The following TBC1D2B variants were observed in gnomAD, a reference collection of about 807,000 sequenced individuals.
TBC1D2B encodes TBC1 domain family, member 2B.
Under a neutral mutation model 100.8 loss-of-function variants are expected in TBC1D2B, and 64 were observed. The ratio of observed to expected loss-of-function variants is 0.64; its 90% CI spans 0.52 to 0.78. The LOEUF is 0.78. TBC1D2B is among the 30% of genes least tolerant of loss of function. TBC1D2B has a pLI of 0.00. For missense variants in TBC1D2B, 1,052 were observed against 1,218.4 expected (o/e 0.86, Z 2.03); for synonymous variants, 480 against 479.7 (o/e 1.00, Z -0.01).
chr15:78,047,037 A>G (rs2073210758), intron 2 of TBC1D2B, among the ~76,000 whole-genome samples: 1 of 152,230 alleles, frequency 6.6e-6, no homozygotes, highest in Non-Finnish European at 1.5e-5. Flanking sequence ...AGTGCTGTGT[A>G]TCTATCAGGG....
At chr15:78,027,116 A>G (rs12101617) in intron 4 of TBC1D2B, among the ~76,000 whole-genome samples, 2,343 of 152,020 alleles carry the variant, frequency 0.015, 64 homozygotes, top group African/African-American at 0.053. Context: ...TGAAATATAT[A>G]TACTCACATT....
intron 1 of TBC1D2B, among the ~76,000 whole-genome samples, chr15:78,067,966 G>A (rs889300340): frequency 6.6e-6 from 1 of 152,298 alleles, no homozygotes; most frequent in East Asian, 1.9e-4. Flanking sequence ...CTCCAATTCT[G>A]CAGTGTTCAC....
At chr15:78,064,774 T>C (rs909107405) in intron 1 of TBC1D2B, among the ~76,000 whole-genome samples, 1 of 152,154 alleles carries the variant, frequency 6.6e-6, no homozygotes, top group African/African-American at 2.4e-5. Context: ...AATGTATTTT[T>C]TTCCCCAGGA....
At chr15:78,026,233 T>C (rs1393871913) in intron 4 of TBC1D2B, among the ~76,000 whole-genome samples, 4 of 152,044 alleles carry the variant, frequency 2.6e-5, no homozygotes, top group Non-Finnish European at 4.4e-5. Flanking sequence ...TAATCCTCAA[T>C]GTAACAGTAT....
chr15:78,044,703 CTGTT>C (rs1333856100), intron 3 of TBC1D2B, among the ~76,000 whole-genome samples, 193 bp downstream of exon 3: 6 of 152,210 alleles, frequency 3.9e-5, no homozygotes, highest in South Asian at 4.1e-4. Context: ...AAGTGTGAAA[CTGTT>C]TGGCATAGTG....
Position 78,016,678 on chromosome 15 carries a change from T to G in TBC1D2B, c.1643A>C (p.Glu548Ala), listed in dbSNP as rs191574081. Residue 548 changes from glutamate (E) to alanine (A), a missense_variant, in exon 8 of 13, where the codon GAA (glutamate) becomes GCA (alanine). Physicochemically the swap from Glu to Ala is moderately radical, Grantham distance 107 (BLOSUM62 -1). Coordinates refer to ENST00000300584, the MANE Select transcript of TBC1D2B (RefSeq NM_144572.2). ...TTCTGAGCACACTGGTGTCTTCATT[T>G]CTTGGAGCAATATCAGGTATTTACT... ...IESKYLILLQ[E>A]MKTPVCSEDQ... 6.2e-7 allele frequency: 1 copy of G among 1,605,594 alleles called. No individual in the cohort carries two copies. The highest frequency in any genetic ancestry group is 2.2e-5 in the East Asian group (1 of 44,716).
At chr15:78,016,952 G>A (rs1596311140) in intron 7 of TBC1D2B, 2 of 496,116 alleles carry the variant, frequency 4.0e-6, no homozygotes, top group East Asian at 7.5e-5. Flanking sequence ...TATAGAAGGA[G>A]TGCTGATAAT....
intron 1 of TBC1D2B, among the ~76,000 whole-genome samples, chr15:78,064,520 C>A (rs909145073): frequency 6.6e-6 from 1 of 152,174 alleles, no homozygotes; most frequent in African/African-American, 2.4e-5. Flanking sequence ...ATTTTTGTTT[C>A]TTAAACTCAA....
In TBC1D2B at chr15:78,017,929, T is replaced by A; in HGVS notation, c.1499A>T (p.Asn500Ile). 1 of 1,607,450 alleles carries A rather than the reference T, an allele frequency of 6.2e-7. No homozygotes were observed. The highest frequency in any genetic ancestry group is 8.5e-7 in the Non-Finnish European group (1 of 1,176,410). Residue 500 changes from asparagine (N) to isoleucine (I), a missense_variant, in exon 7 of 13, where the codon AAC becomes ATC. Asn to Ile is a moderately radical substitution (Grantham distance 149). Around this residue, in one of 4 missense-constraint regions of TBC1D2B, gnomAD observed 627 missense variants for 646.1 expected, o/e 0.97. Transcript: ENST00000300584. ...CAAAATCTCCTTATTTAGAAATTTG[T>A]TTTGGGTTTTGTACCCCTGTAGATT... ...KDNLQGYKTQ[N>I]KFLNKEILEL...
At chr15:78,060,062 C>T (rs2073510652) in intron 1 of TBC1D2B, among the ~76,000 whole-genome samples, 1 of 152,150 alleles carries the variant, frequency 6.6e-6, no homozygotes, top group African/African-American at 2.4e-5. Context: ...CATTCTTTGA[C>T]CCACAATTCT....
chr15:78,040,821 A>G (rs1236323901), intron 3 of TBC1D2B, among the ~76,000 whole-genome samples: 1 of 148,058 alleles, frequency 6.8e-6, no homozygotes, highest in African/African-American at 2.5e-5. Flanking sequence ...AAAAGCAAGA[A>G]AGAAGGAAAG....
chr15:78,070,206 T>A (rs1231240345), intron 1 of TBC1D2B, among the ~76,000 whole-genome samples: 3 of 152,052 alleles, frequency 2.0e-5, no homozygotes, highest in Admixed American at 2.0e-4. Flanking sequence ...GGCCTCTGCT[T>A]ATGCCATTTC....
At chr15:78,032,022 G>T (rs1294665084) in intron 3 of TBC1D2B, among the ~76,000 whole-genome samples, 2 of 152,218 alleles carry the variant, frequency 1.3e-5, no homozygotes, top group Non-Finnish European at 2.9e-5. Flanking sequence ...GCAGCTCATA[G>T]AGCAGAGTAC....
chr15:77,999,262 G>A (rs572508105), intron 12 of TBC1D2B: 13 of 454,064 alleles, frequency 2.9e-5, no homozygotes, highest in South Asian at 1.2e-4. Context: ...GAAATGCCCC[G>A]AAGGACTTCC....
chr15:78,055,076 G>T (rs1389750708), intron 1 of TBC1D2B, among the ~76,000 whole-genome samples: 1 of 152,138 alleles, frequency 6.6e-6, no homozygotes, highest in Non-Finnish European at 1.5e-5. Flanking sequence ...TGACCCAAAT[G>T]GTTATATACT....
Position 78,030,108 on chromosome 15 carries a change from T to C in TBC1D2B, c.746A>G (p.Tyr249Cys). 1 of 1,613,868 alleles carries C rather than the reference T, an allele frequency of 6.2e-7. No homozygotes were observed. Among genetic ancestry groups the C allele is most frequent in the Non-Finnish European group, 8.5e-7 (1 of 1,179,790 alleles). ...GHNDSRRTVF[Y>C]TNEEWELLDP... Reference sequence around the variant, plus strand: ...TAAAAGTTCCCACTCTTCATTGGTATAAAACACAGTCCTCCGACTATCATT... The same window carrying C: ...TAAAAGTTCCCACTCTTCATTGGTACAAAACACAGTCCTCCGACTATCATT... The change falls in exon 4 of 13, where the codon TAT becomes TGT. Residue 249 changes from tyrosine to cysteine, a missense_variant. This residue lies in a region of TBC1D2B where 627 missense variants were observed against 646.1 expected (regional missense o/e 0.97). Coordinates refer to ENST00000300584, the MANE Select transcript of TBC1D2B (RefSeq NM_144572.2).
At chr15:78,057,966 A>T (rs2073460718) in intron 1 of TBC1D2B, among the ~76,000 whole-genome samples, 1 of 152,246 alleles carries the variant, frequency 6.6e-6, no homozygotes, top group Non-Finnish European at 1.5e-5. Flanking sequence ...ATCACAAACC[A>T]GCCTCTTTAT....
chr15:78,040,692 AG>A lies in TBC1D2B; in HGVS notation c.683+4207del, dbSNP rs1473480484. On this transcript the variant is annotated intron_variant, in intron 3 of 12. Coordinates refer to ENST00000300584, the MANE Select transcript of TBC1D2B (RefSeq NM_144572.2). ...AAAGAAAAAGAAAAGAAAGAAAGAA[AG>A]GGGGGGAGGGAGGGAGGAAGGAAGG... Among the ~76,000 whole-genome samples, 395 of 105,546 alleles carry A rather than the reference AG, an allele frequency of 3.7e-3. 1 individual carries two copies. The highest frequency in any genetic ancestry group is 5.2e-3 in the Admixed American group (45 of 8,710). 69.2% of individuals were successfully genotyped at this position (105,546 alleles called of 152,430 possible).
intron 1 of TBC1D2B, among the ~76,000 whole-genome samples, chr15:78,071,042 A>C (rs2073735421): frequency 6.6e-6 from 1 of 152,162 alleles, no homozygotes; most frequent in East Asian, 1.9e-4. Context: ...GGCTGGTCTC[A>C]AACTCCTGAC....
Sources: allele counts gnomAD v4.1 joint callset (sites outside exome capture counted in the v4.1 genomes callset), GRCh38; gene constraint gnomAD v4.1.1; regional missense constraint gnomAD v4.1.1; transcripts MANE v1.5; gene names NCBI Gene and HGNC (gene_info 2026-07-23, HGNC 2026-07-21).